STXBP6: variants seen among roughly 807,000 people sequenced by gnomAD.
The protein encoded by STXBP6 is syntaxin binding protein 6.
Under a neutral mutation model 26.9 loss-of-function variants are expected in STXBP6, and 21 were observed. The ratio of observed to expected loss-of-function variants is 0.78; its 90% CI spans 0.55 to 1.12. The LOEUF is 1.12. Ranked by LOEUF, STXBP6 falls within the 50% of genes most tolerant of loss-of-function variation. STXBP6 has a pLI of 0.00. For missense variants in STXBP6, 232 were observed against 257.9 expected (o/e 0.90, Z 0.69); for synonymous variants, 97 against 92.6 (o/e 1.05, Z -0.27).
intron 4 of STXBP6, among the ~76,000 whole-genome samples, chr14:24,820,023 A>G (rs1006133966): frequency 9.2e-5 from 14 of 152,218 alleles, no homozygotes; most frequent in South Asian, 6.2e-4. Context: ...CTGACATCCC[A>G]TTTGCCGGGA....
rs146990714 is a variant in STXBP6 at position 24,833,360 on chromosome 14, T to C, written c.452-14166A>G. ...TCCCCTAGCACCCTTTGCATTTCTC[T>C]AATGGAGCATTTATTATAATGCATC... On this transcript the variant is annotated intron_variant, in intron 4 of 5. Coordinates refer to ENST00000323944, the MANE Select transcript of STXBP6 (RefSeq NM_001394410.1). 1.4e-3 allele frequency among the ~76,000 whole-genome samples: 206 copies of C among 152,354 alleles called. 1 individual carries two copies. The highest frequency in any genetic ancestry group is 4.6e-3 in the African/African-American group (193 of 41,582).
chr14:25,031,928 C>T (rs17109507), intron 1 of STXBP6, among the ~76,000 whole-genome samples: 5,117 of 152,090 alleles, frequency 0.034, 272 homozygotes, highest in African/African-American at 0.12. Flanking sequence ...TAAGAAATGC[C>T]CTGCTTCCAA....
chr14:24,876,714 G>GT (rs1371991668), intron 2 of STXBP6, among the ~76,000 whole-genome samples: 1 of 152,206 alleles, frequency 6.6e-6, no homozygotes, highest in Non-Finnish European at 1.5e-5. Flanking sequence ...ATTTTAAAAT[G>GT]TAAGTCAAGA....
chr14:24,886,502 C>T (rs1241634), intron 2 of STXBP6, among the ~76,000 whole-genome samples: 46,270 of 151,972 alleles, frequency 0.3, 7,598 homozygotes, highest in East Asian at 0.44. Context: ...TCATAATAAC[C>T]ATCTCTGAGA....
intron 2 of STXBP6, among the ~76,000 whole-genome samples, chr14:24,959,187 G>GT (rs1366908765): frequency 6.6e-6 from 1 of 152,276 alleles, no homozygotes; most frequent in East Asian, 1.9e-4. Context: ...GTCTTCAAAG[G>GT]TTTTTGTAAA....
rs1441418020 is a variant in STXBP6, at chr14:24,878,325, T to A, written c.155-21168A>T. ...ACACCAAAGAATCTGCCTTAAAAAA[T>A]TTTCTGGTTTTACTTTTTAATATTT... On this transcript the variant is annotated intron_variant, in intron 2 of 5. Transcript: ENST00000323944. Among the ~76,000 whole-genome samples the A allele has an allele frequency of 2.0e-5, 3 of 152,252 alleles. No homozygotes were observed. In the East Asian group the frequency reaches 5.8e-4, roughly 29 times the overall value.
intron 4 of STXBP6, among the ~76,000 whole-genome samples, chr14:24,845,653 GT>G (rs371393692): frequency 3.9e-4 from 59 of 152,322 alleles, no homozygotes; most frequent in African/African-American, 1.3e-3. Context: ...TTTCAGAATT[GT>G]TTAAGAAAAT....
At chr14:24,883,751 T>C (rs1021038997) in intron 2 of STXBP6, among the ~76,000 whole-genome samples, 5 of 152,200 alleles carry the variant, frequency 3.3e-5, no homozygotes, top group African/African-American at 9.6e-5. Flanking sequence ...GGTTCTGAGA[T>C]CTGGCTTACT....
chr14:24,852,174 T>C (rs932069058), intron 4 of STXBP6, among the ~76,000 whole-genome samples: 22 of 152,242 alleles, frequency 1.4e-4, no homozygotes, highest in East Asian at 1.2e-3. Flanking sequence ...TCAGACTAGA[T>C]GGTGCTCTGA....
intron 1 of STXBP6, chr14:25,048,852 T>C (rs1280265244): frequency 6.6e-6 from 1 of 152,254 alleles, no homozygotes; most frequent in Admixed American, 6.6e-5. Context: ...TTCGTCGGCA[T>C]CCTCCACAGC....
intron 1 of STXBP6, among the ~76,000 whole-genome samples, chr14:25,039,344 A>C (rs1297330401): frequency 1.3e-5 from 2 of 152,216 alleles, no homozygotes; most frequent in Admixed American, 1.3e-4. Flanking sequence ...CCTTTATTTC[A>C]AAAGTGGAGA....
chr14:25,045,776 T>G (rs2075717821), intron 1 of STXBP6, among the ~76,000 whole-genome samples: 1 of 151,772 alleles, frequency 6.6e-6, no homozygotes, highest in South Asian at 2.1e-4. Flanking sequence ...GCTAATTTGT[T>G]TTTGTATTTT....
intron 1 of STXBP6, among the ~76,000 whole-genome samples, chr14:25,042,124 A>G (rs2075653032): frequency 6.6e-6 from 1 of 152,200 alleles, no homozygotes; most frequent in South Asian, 2.1e-4. Context: ...ACAATCTCCT[A>G]TTTCCTTCCA....
At chr14:24,820,966 T>A (rs1191316575) in intron 4 of STXBP6, among the ~76,000 whole-genome samples, 2 of 152,212 alleles carry the variant, frequency 1.3e-5, no homozygotes, top group Non-Finnish European at 2.9e-5. Flanking sequence ...GACAGGTTAT[T>A]TCCCAAGGTA....
At chr14:24,943,902 GTTAC>G (rs1192885158) in intron 2 of STXBP6, among the ~76,000 whole-genome samples, 1 of 152,148 alleles carries the variant, frequency 6.6e-6, no homozygotes, top group African/African-American at 2.4e-5. Flanking sequence ...ATTTGAAATA[GTTAC>G]TTATTTACAT....
At chr14:24,828,744 A>T (rs1015975388) in intron 4 of STXBP6, among the ~76,000 whole-genome samples, 2 of 152,230 alleles carry the variant, frequency 1.3e-5, no homozygotes, top group Admixed American at 6.5e-5. Context: ...ATCAGATTGC[A>T]TCTCCCAGGG....
At chr14:25,017,682 TG>T (rs2075178801) in intron 1 of STXBP6, among the ~76,000 whole-genome samples, 1 of 152,218 alleles carries the variant, frequency 6.6e-6, no homozygotes, top group Non-Finnish European at 1.5e-5. Context: ...AAGTAATCCC[TG>T]GGGAACATTA....
In STXBP6 at chr14:25,049,244, T is replaced by G. The variant is rs2075769257; in HGVS notation, c.-33+634A>C. Reference sequence around the variant, plus strand: ...CGTTGCCCGGCGGTGTTGGTGAGGCTCGATGCCGGCGTGCACGGCAAGCGC... The same window carrying G: ...CGTTGCCCGGCGGTGTTGGTGAGGCGCGATGCCGGCGTGCACGGCAAGCGC... On this transcript the variant is annotated intron_variant, in intron 1 of 5. Transcript: ENST00000323944. The surrounding 1 kb of genome is among the most constrained non-coding windows in gnomAD (Gnocchi z 5.6). 6.1e-6 allele frequency: 6 copies of G among 985,378 alleles called. No individual in the cohort carries two copies. Among genetic ancestry groups the G allele is most frequent in the Non-Finnish European group, 7.2e-6 (6 of 829,944 alleles). The allele number at this position is 985,378 out of a possible 1,614,324, so 61.0% of individuals were successfully genotyped here. A position where few individuals can be genotyped will look rare whatever the true frequency, so the allele number is the denominator to read the frequency against.
At chr14:24,940,991 G>A (rs2072782861) in intron 2 of STXBP6, among the ~76,000 whole-genome samples, 1 of 152,098 alleles carries the variant, frequency 6.6e-6, no homozygotes, top group South Asian at 2.1e-4. Context: ...CTCCAGCCTG[G>A]GCGACAGAGC....
Sources: gnomAD v4.1 joint callset for allele counts (sites outside exome capture counted in the v4.1 genomes callset) on GRCh38, gnomAD v4.1.1 for gene constraint, Gnocchi (gnomAD v3.1) non-coding constraint, MANE v1.5 for transcripts, NCBI Gene and HGNC (gene_info 2026-07-23, HGNC 2026-07-21) for gene names.